The following RFK variants were observed in gnomAD, a reference collection of about 807,000 sequenced individuals.
The protein encoded by RFK is 0610038L10Rik.
A neutral mutation model predicts 17.6 loss-of-function variants in RFK; 4 were observed. The observed-to-expected ratio is 0.23, with a 90% CI of 0.11 to 0.52. RFK has a LOEUF of 0.52. Ranked by LOEUF, RFK falls within the 20% of genes least tolerant of loss-of-function variation. The pLI is 0.96. For missense variants in RFK, 189 were observed against 187.7 expected, an observed-to-expected ratio of 1.01 and a Z score of -0.04; for synonymous variants, 59 against 63.8, an observed-to-expected ratio of 0.92 and a Z score of 0.36.
Position 76,392,480 on chromosome 9 carries a change from C to T in RFK, c.172G>A (p.Val58Ile). The stretch of plus-strand genomic sequence containing the variant: ...CCTATGCTCACCACCATCTTATGGA[C>T]ATCTCCACTTCCAACACTGGCCCAA... ...YGWASVGSGD[V>I]HKMVVSIGWN... is the part of the protein sequence containing the mutation. The change falls in exon 2 of 4, where the codon GTC (valine) becomes ATC (isoleucine). Residue 58 changes from valine to isoleucine, a missense_variant. Coordinates refer to ENST00000376736, the MANE Select transcript of RFK (RefSeq NM_018339.6). 6.2e-7 allele frequency: 1 copy of T among 1,614,176 alleles called. No individual in the cohort carries two copies. Among genetic ancestry groups the T allele is most frequent in the East Asian group, 2.2e-5 (1 of 44,888 alleles).
chr9:76,394,239 G>A lies in RFK; in HGVS notation c.-68C>T. The A allele has an allele frequency of 6.7e-7, 1 of 1,492,070 alleles. No homozygotes were observed. The highest frequency in any genetic ancestry group is 9.0e-7 in the Non-Finnish European group (1 of 1,105,876). The allele number at this position is 1,492,070 out of a possible 1,614,324, so 92.4% of individuals were successfully genotyped here. ...GTCCTGCGGAGCCGCCGTCGACGCG[G>A]CGCCCAGACCCCGGACCAGCCGGGG... On this transcript the variant is annotated 5_prime_UTR_variant, in exon 1 of 4. Coordinates refer to ENST00000376736, the MANE Select transcript of RFK (RefSeq NM_018339.6).
chr9:76,389,319 G>T (rs1822785414), intron 2 of RFK, among the ~76,000 whole-genome samples: 1 of 152,192 alleles, frequency 6.6e-6, no homozygotes, highest in Non-Finnish European at 1.5e-5. Context: ...TGTATAACTA[G>T]CTTCCGCGGG....
chr9:76,392,488 C>A lies in RFK; in HGVS notation c.164G>T (p.Ser55Ile). The change falls in exon 2 of 4, where the codon AGT (serine) becomes ATT (isoleucine). Residue 55 changes from serine to isoleucine, a missense_variant. Physicochemically the swap from Ser to Ile is moderately radical, Grantham distance 142. Transcript: ENST00000376736. ...CACCACCATCTTATGGACATCTCCA[C>A]TTCCAACACTGGCCCAACCATAGTA... Reference protein sequence around the residue: ...GIYYGWASVGSGDVHKMVVSI... With the variant: ...GIYYGWASVGIGDVHKMVVSI... 6.2e-7 allele frequency: 1 copy of A among 1,614,200 alleles called. No individual in the cohort carries two copies. The highest frequency in any genetic ancestry group is 1.1e-5 in the South Asian group (1 of 91,086).
In RFK at chr9:76,394,307, G is replaced by T; in HGVS notation, c.-136C>A. On this transcript the variant is annotated 5_prime_UTR_variant, in exon 1 of 4. Coordinates refer to ENST00000376736, the MANE Select transcript of RFK (RefSeq NM_018339.6). ...TGCCTGCCGCGGGGGCGCACCAGTGGCCGGACGACGCCGACCACAGGCCAC... is the reference window on the plus strand; with the variant it reads ...TGCCTGCCGCGGGGGCGCACCAGTGTCCGGACGACGCCGACCACAGGCCAC... 1 of 749,074 alleles carries T rather than the reference G, an allele frequency of 1.3e-6. No homozygotes were observed. Among genetic ancestry groups the T allele is most frequent in the Non-Finnish European group, 2.0e-6 (1 of 493,102 alleles). 46.4% of individuals were successfully genotyped at this position (749,074 alleles called of 1,614,324 possible).
chr9:76,394,259 C>T lies in RFK; in HGVS notation c.-88G>A. ...ACGCGGCGCCCAGACCCCGGACCAG[C>T]CGGGGGACAGGAGCGTGAGCTCTGC... On this transcript the variant is annotated 5_prime_UTR_variant, in exon 1 of 4. Coordinates refer to ENST00000376736, the MANE Select transcript of RFK (RefSeq NM_018339.6). The T allele has an allele frequency of 7.3e-7, 1 of 1,376,726 alleles. No individual in the cohort carries two copies. Among genetic ancestry groups the T allele is most frequent in the Non-Finnish European group, 9.9e-7 (1 of 1,010,842 alleles). 85.3% of individuals were successfully genotyped at this position (1,376,726 alleles called of 1,614,324 possible).
intron 2 of RFK, 127 bp downstream of exon 2, chr9:76,392,291 C>T: frequency 1.1e-6 from 1 of 917,330 alleles, no homozygotes; most frequent in Non-Finnish European, 1.6e-6. Context: ...ACAGAGATTG[C>T]CCAAAATTCC....
chr9:76,392,695 C>T lies in RFK; in HGVS notation c.83-126G>A. 5 of 899,518 alleles carry T rather than the reference C, an allele frequency of 5.6e-6. No homozygotes were observed. In the South Asian group the frequency reaches 6.4e-5, roughly 11 times the overall value. 55.7% of individuals were successfully genotyped at this position (899,518 alleles called of 1,614,324 possible). ...GCCAAGGCAGGAGGCTCATGTTGAG[C>T]TCTGGGGTTTGAGACCGGCCCGGGT... On this transcript the variant is annotated intron_variant, in intron 1 of 3. Transcript: ENST00000376736.
chr9:76,389,123 C>A (rs1822782260), intron 2 of RFK, among the ~76,000 whole-genome samples: 1 of 152,150 alleles, frequency 6.6e-6, no homozygotes. Flanking sequence ...GGCAGGAGAG[C>A]CAATGCAGCT....
rs1226640747 is a variant in RFK, at chr9:76,386,583, C to A, written c.*816G>T. ...TACCATTAAAAAGAAGAAACATTAT[C>A]CAACAAAAAGGAGACATATAGATTT... On this transcript the variant is annotated 3_prime_UTR_variant, in exon 4 of 4. Transcript: ENST00000376736. 6.6e-6 allele frequency: 1 copy of A among 152,030 alleles called. No individual in the cohort carries two copies. Among genetic ancestry groups the A allele is most frequent in the Non-Finnish European group, 1.5e-5 (1 of 67,998 alleles). The allele number at this position is 152,030 out of a possible 1,614,324, so 9.4% of individuals were successfully genotyped here.
In RFK at chr9:76,388,600, C is replaced by G. The variant is rs10781358; in HGVS notation, c.291G>C (p.Val97=). Residue 97 remains valine (V), a synonymous_variant, in exon 3 of 4, where the codon GTG becomes GTC. Transcript: ENST00000376736. Reference sequence around the variant, plus strand: ...CTGGTCTCAGGTAGCCAACAATGGCCACATTGAGGATTTCCCCATAGAAGT... The same window carrying G: ...CTGGTCTCAGGTAGCCAACAATGGCGACATTGAGGATTTCCCCATAGAAGT... The part of the protein sequence containing the change: ...KEDFYGEILN[V]AIVGYLRPEK... The G allele has an allele frequency of 0.23, 372,394 of 1,607,112 alleles. 47,407 individuals are homozygous for G. The highest frequency in any genetic ancestry group is 0.26 in the Non-Finnish European group (306,749 of 1,173,962).
intron 1 of RFK, 139 bp downstream of exon 1, chr9:76,393,951 A>G (rs955430995): frequency 1.7e-4 from 123 of 742,540 alleles, no homozygotes; most frequent in Non-Finnish European, 2.4e-4. Flanking sequence ...GCCACAGACA[A>G]GGGGATGCGG....
At position 76,388,641 on chromosome 9, in the gene RFK, G is replaced by C; in HGVS notation, c.250C>G (p.His84Asp). ...TKKSMETHIM[H>D]TFKEDFYGEI... ...CCATAGAAGTCCTCTTTGAAGGTAT[G>C]CATGATATGTGTTTCCTATAGTCAA... Residue 84 changes from histidine to aspartate, a missense_variant, in exon 3 of 4, where the codon CAT becomes GAT. By Grantham distance (81) the His-to-Asp change is moderately conservative. Coordinates refer to ENST00000376736, the MANE Select transcript of RFK (RefSeq NM_018339.6). 1.2e-6 allele frequency: 2 copies of C among 1,606,780 alleles called. No individual in the cohort carries two copies. The highest frequency in any genetic ancestry group is 1.7e-6 in the Non-Finnish European group (2 of 1,173,328).
Position 76,388,674 on chromosome 9 carries a change from T to C in RFK, c.235-18A>G, listed in dbSNP as rs776137827. On this transcript the variant is annotated intron_variant, in intron 2 of 3. Transcript: ENST00000376736. ...TGTGTTTCCTATAGTCAAGAAATGTTACAAAGAGTGCTATCAGACTACAGT... is the reference window on the plus strand; with the variant it reads ...TGTGTTTCCTATAGTCAAGAAATGTCACAAAGAGTGCTATCAGACTACAGT... 12 of 1,436,464 alleles carry C rather than the reference T, an allele frequency of 8.4e-6. No homozygotes were observed. Among genetic ancestry groups the C allele is most frequent in the Non-Finnish European group, 1.2e-5 (12 of 1,020,012 alleles). The allele number at this position is 1,436,464 out of a possible 1,614,324, so 89.0% of individuals were successfully genotyped here.
At chr9:76,389,186 T>C (rs1343885487) in intron 2 of RFK, among the ~76,000 whole-genome samples, 1 of 152,106 alleles carries the variant, frequency 6.6e-6, no homozygotes, top group Non-Finnish European at 1.5e-5. Flanking sequence ...TAAAGCAAAA[T>C]GCCGCATGAC....
chr9:76,388,324 C>G (rs757105756), intron 3 of RFK: 4 of 619,828 alleles, frequency 6.5e-6, no homozygotes, highest in Non-Finnish European at 1.2e-5. Flanking sequence ...TACTATGTGA[C>G]TTTGAGAATG....
intron 2 of RFK, among the ~76,000 whole-genome samples, chr9:76,390,184 T>C (rs887657337): frequency 6.6e-6 from 1 of 152,132 alleles, no homozygotes; most frequent in Non-Finnish European, 1.5e-5. Flanking sequence ...TGGAAAAAAA[T>C]ATTAATTTAA....
At position 76,387,406 on chromosome 9, in the gene RFK, C is replaced by T; in HGVS notation, c.461G>A (p.Gly154Asp). Reference protein sequence around the residue: ...FQVSKSKIMNGH With the variant: ...FQVSKSKIMNDH ...AAATAATACAATTTTTCATCAGTGG[C>T]CATTCATTATTTTGCTTTTAGAAAC... Residue 154 changes from glycine to aspartate, a missense_variant, in exon 4 of 4, where the codon GGC (glycine) becomes GAC (aspartate). Around this residue, in one of 3 missense-constraint regions of RFK, gnomAD observed 95 missense variants for 95.7 expected, o/e 0.99. Coordinates refer to ENST00000376736, the MANE Select transcript of RFK (RefSeq NM_018339.6). 6.2e-7 allele frequency: 1 copy of T among 1,605,056 alleles called. No homozygotes were observed. The highest frequency in any genetic ancestry group is 1.3e-5 in the African/African-American group (1 of 74,782).
chr9:76,385,907 T>TA lies in RFK; in HGVS notation c.*1491dup, dbSNP rs1822722590. ...TTTTTGACATATTTTTATAAAGAAA[T>TA]AAAAAGCAAAACGCAATCCAACTAT... On this transcript the variant is annotated 3_prime_UTR_variant, in exon 4 of 4. Transcript: ENST00000376736. 6.6e-6 allele frequency: 1 copy of TA among 152,190 alleles called. No individual in the cohort carries two copies. The highest frequency in any genetic ancestry group is 1.5e-5 in the Non-Finnish European group (1 of 68,016). The allele number at this position is 152,190 out of a possible 1,614,324, so 9.4% of individuals were successfully genotyped here.
At chr9:76,387,918 G>C (rs1007826509) in intron 3 of RFK, 2 of 237,576 alleles carry the variant, frequency 8.4e-6, no homozygotes, top group Non-Finnish European at 1.7e-5. Flanking sequence ...AGAATCGCTT[G>C]AACCTGGGAG....
Sources: gnomAD v4.1 joint callset for allele counts (sites outside exome capture counted in the v4.1 genomes callset) on GRCh38, gnomAD v4.1.1 for gene constraint, gnomAD v4.1.1 regional missense constraint, MANE v1.5 for transcripts, NCBI Gene and HGNC (gene_info 2026-07-23, HGNC 2026-07-21) for gene names.